The following CAPN8 variants were observed in gnomAD, a reference collection of about 807,000 sequenced individuals.
CAPN8 encodes calpain-8.
In CAPN8, 87 loss-of-function variants were observed where a neutral mutation model predicts 80.9. That is an observed-to-expected ratio of 1.07 (90% CI 0.90 to 1.28). CAPN8 has a LOEUF of 1.28. CAPN8 is among the 50% of genes most tolerant of loss of function. The probability of loss-of-function intolerance (pLI) is 0.00; values close to 1 mark genes in which losing one functional copy is unlikely to be tolerated. For synonymous variants in CAPN8, 299 were observed against 273.8 expected, an observed-to-expected ratio of 1.09 and a Z score of -0.91; for missense variants, 757 against 702.0, an observed-to-expected ratio of 1.08 and a Z score of -0.89.
At chr1:223,545,616 C>T (rs1478865634) in intron 16 of CAPN8, among the ~76,000 whole-genome samples, 3 of 152,060 alleles carry the variant, frequency 2.0e-5, no homozygotes, top group Middle Eastern at 3.2e-3. Flanking sequence ...TCTGTAAATT[C>T]GCTTCTACAT....
At chr1:223,660,674 G>A (rs1345863407) in intron 1 of CAPN8, among the ~76,000 whole-genome samples, 1 of 152,276 alleles carries the variant, frequency 6.6e-6, no homozygotes, top group South Asian at 2.1e-4. Flanking sequence ...ATTATTGAGA[G>A]GACAAAAACA....
intron 1 of CAPN8, among the ~76,000 whole-genome samples, chr1:223,656,721 T>C (rs909155400): frequency 2.1e-5 from 3 of 142,614 alleles, no homozygotes; most frequent in African/African-American, 7.7e-5. Context: ...TCTCGCTCTT[T>C]GGCCCAAGCC....
chr1:223,545,528 C>T (rs1656598505), intron 16 of CAPN8, among the ~76,000 whole-genome samples: 1 of 152,158 alleles, frequency 6.6e-6, no homozygotes, highest in African/African-American at 2.4e-5. Flanking sequence ...GAACAAAGGG[C>T]AAGTCATGAG....
In CAPN8 at chr1:223,627,101, TC is replaced by T; in HGVS notation, c.616del (p.Asp206IlefsTer12). 2.6e-6 allele frequency: 4 copies of T among 1,552,274 alleles called. No individual in the cohort carries two copies. The highest frequency in any genetic ancestry group is 3.5e-6 in the Non-Finnish European group (4 of 1,147,116). ...AAACTCAGAGATGCCACCTGTGAAA[TC>T]CTCAAACCCCTCCACTGTGGAACCT... ...AGGSTVEGFE[D>X]FTGGISEFYD... On this transcript the variant is annotated frameshift_variant, in exon 5 of 21. Transcript: ENST00000366872. LOFTEE classifies it high-confidence loss of function.
At chr1:223,647,659 G>A (rs1315698588) in intron 2 of CAPN8, among the ~76,000 whole-genome samples, 1 of 151,902 alleles carries the variant, frequency 6.6e-6, no homozygotes, top group African/African-American at 2.4e-5. Flanking sequence ...ATAAAACCTC[G>A]AATTGATCGA....
Position 223,628,695 on chromosome 1 carries a change from G to A in CAPN8, c.393C>T (p.Phe131=), listed in dbSNP as rs952867315. ...LYRVVPRDQD[F]QENYAGIFHF... ...GAAAGATTCCCGCATAGTTCTCCTG[G>A]AAGTCCTGGTCCCTGGGGACCACCC... The change falls in exon 3 of 21, where the codon TTC becomes TTT. Residue 131 remains phenylalanine (F), a synonymous_variant. Coordinates refer to ENST00000366872, the MANE Select transcript of CAPN8 (RefSeq NM_001143962.2). 2.3e-5 allele frequency: 35 copies of A among 1,551,610 alleles called. No individual in the cohort carries two copies. Among genetic ancestry groups the A allele is most frequent in the African/African-American group, 4.1e-5 (3 of 73,050 alleles).
chr1:223,626,879 C>T (rs1011120429), intron 5 of CAPN8, 110 bp downstream of exon 5: 50 of 1,185,938 alleles, frequency 4.2e-5, no homozygotes, highest in African/African-American at 6.1e-5. Context: ...CCAGACTCTG[C>T]TCTGACCCAA....
Position 223,622,897 on chromosome 1 carries a change from T to G in CAPN8, c.817A>C (p.Asn273His). ...AGCTTCTCTGGATGGCCCTGGAAAT[T>G]CACCTGCAAATTCCATACACAGAAA... ...AYSVTGVEEV[N>H]FQGHPEKLIR... is the part of the protein sequence containing the mutation. Residue 273 changes from asparagine (N) to histidine (H), a missense_variant, in exon 7 of 21, where the codon AAT (asparagine) becomes CAT (histidine). By Grantham distance (68) the Asn-to-His change is moderately conservative (BLOSUM62 1). Coordinates refer to ENST00000366872, the MANE Select transcript of CAPN8 (RefSeq NM_001143962.2). 1 of 1,551,506 alleles carries G rather than the reference T, an allele frequency of 6.4e-7. No individual in the cohort carries two copies. The highest frequency in any genetic ancestry group is 8.7e-7 in the Non-Finnish European group (1 of 1,146,790).
chr1:223,611,477 G>A (rs1198457590), intron 11 of CAPN8, among the ~76,000 whole-genome samples: 1 of 152,224 alleles, frequency 6.6e-6, no homozygotes, highest in African/African-American at 2.4e-5. Flanking sequence ...AAATATGAGT[G>A]TGGACCTGCC....
chr1:223,631,540 C>T (rs1038113848), intron 2 of CAPN8, among the ~76,000 whole-genome samples: 1 of 152,188 alleles, frequency 6.6e-6, no homozygotes, highest in Non-Finnish European at 1.5e-5. Flanking sequence ...TGGATTCACT[C>T]ATCTCGGCAT....
Position 223,665,454 on chromosome 1 carries a change from G to A in CAPN8, c.193C>T (p.Pro65Ser). 1.3e-6 allele frequency: 2 copies of A among 1,552,104 alleles called. No individual in the cohort carries two copies. Among genetic ancestry groups the A allele is most frequent in the Non-Finnish European group, 1.7e-6 (2 of 1,147,092 alleles). Residue 65 changes from proline (P) to serine (S), a missense_variant, in exon 1 of 21, where the codon CCA (proline) becomes TCA (serine). Coordinates refer to ENST00000366872, the MANE Select transcript of CAPN8 (RefSeq NM_001143962.2). ...ATGCCTTGAGTTTGCGGAGAGCCTG[G>A]TCCAAGATCCTTGTAGCCCAAAGCT... The part of the protein sequence containing the change: ...PSALGYKDLG[P>S]GSPQTQGIIW...
At chr1:223,663,519 T>A (rs1396934214) in intron 1 of CAPN8, among the ~76,000 whole-genome samples, 1 of 152,206 alleles carries the variant, frequency 6.6e-6, no homozygotes, top group Non-Finnish European at 1.5e-5. Context: ...CCCCACACTT[T>A]CCATCAGAGC....
chr1:223,558,460 G>A (rs1656954215), intron 12 of CAPN8, among the ~76,000 whole-genome samples: 1 of 152,176 alleles, frequency 6.6e-6, no homozygotes, highest in Non-Finnish European at 1.5e-5. Flanking sequence ...GGACAAAAGT[G>A]GTAACGGGTA....
At chr1:223,634,073 G>C (rs376539939) in intron 2 of CAPN8, among the ~76,000 whole-genome samples, 1 of 152,212 alleles carries the variant, frequency 6.6e-6, no homozygotes, top group African/African-American at 2.4e-5. Flanking sequence ...TCCAGAAGCA[G>C]AGTAAAGATG....
Position 223,618,149 on chromosome 1 carries a change from G to C in CAPN8, c.1135+1144C>G. ...ACAGATCAACAGCAAACCAGGCAGGGAACATGGGGAGCAGGAGGTGAAAAG... is the reference window on the plus strand; with the variant it reads ...ACAGATCAACAGCAAACCAGGCAGGCAACATGGGGAGCAGGAGGTGAAAAG... On this transcript the variant is annotated intron_variant, in intron 9 of 20. Transcript: ENST00000366872. 5.8e-6 allele frequency: 8 copies of C among 1,387,564 alleles called. No individual in the cohort carries two copies. The South Asian group carries it at 9.2e-5, about 16-fold the overall frequency. The allele number at this position is 1,387,564 out of a possible 1,614,324, so 86.0% of individuals were successfully genotyped here. A position where few individuals can be genotyped will look rare whatever the true frequency, so the allele number is the denominator to read the frequency against.
At chr1:223,555,845 CA>C (rs1188263317) in intron 13 of CAPN8, among the ~76,000 whole-genome samples, 2 of 152,030 alleles carry the variant, frequency 1.3e-5, no homozygotes, top group Admixed American at 6.6e-5. Context: ...TTTGTCCATT[CA>C]AAAAAAGATT....
In CAPN8 at chr1:223,628,785, A is replaced by G. The variant is rs1410262684; in HGVS notation, c.308-5T>C. On this transcript the variant is annotated splice_region_variant and splice_polypyrimidine_tract_variant and intron_variant, in intron 2 of 20. Transcript: ENST00000366872. ...CAGCCAGAAGCCAGCAGTCACCTGC[A>G]CAGTGTCACAGGGGACACAGATTGG... The G allele has an allele frequency of 2.6e-6, 4 of 1,552,024 alleles. No homozygotes were observed. Among genetic ancestry groups the G allele is most frequent in the Non-Finnish European group, 3.5e-6 (4 of 1,146,768 alleles).
intron 16 of CAPN8, 95 bp downstream of exon 16, chr1:223,549,223 T>A: frequency 2.7e-6 from 4 of 1,484,784 alleles, no homozygotes; most frequent in Non-Finnish European, 3.6e-6. Context: ...TCTCATTTTT[T>A]ACCCGTCCCT....
chr1:223,547,170 C>T (rs923235742), intron 16 of CAPN8, among the ~76,000 whole-genome samples: 3 of 152,142 alleles, frequency 2.0e-5, no homozygotes, highest in Non-Finnish European at 4.4e-5. Context: ...CCAGTGCCAC[C>T]CAAAGTGCTG....
Sources: allele counts gnomAD v4.1 joint callset (sites outside exome capture counted in the v4.1 genomes callset), GRCh38; gene constraint gnomAD v4.1.1; transcripts MANE v1.5; gene names NCBI Gene and HGNC (gene_info 2026-07-23, HGNC 2026-07-21).